Variants in MAP2K6 observed in about 807,000 individuals in gnomAD.
The protein encoded by MAP2K6 is mitogen-activated protein kinase kinase 6, also known as dual specificity mitogen-activated protein kinase kinase 6.
A neutral mutation model predicts 53.7 loss-of-function variants in MAP2K6; 16 were observed. The ratio of observed to expected loss-of-function variants is 0.30; its 90% CI spans 0.20 to 0.45. The LOEUF (loss-of-function observed/expected upper bound fraction) is 0.45, where lower values mean the gene tolerates loss of function less well. Ranked by LOEUF, MAP2K6 falls within the 20% of genes least tolerant of loss-of-function variation. The pLI is 1.00. For synonymous variants in MAP2K6, 132 were observed against 143.1 expected (o/e 0.92, Z 0.55); for missense variants, 204 against 411.9 (o/e 0.50, Z 4.37).
rs111474447 is a variant in MAP2K6 at position 69,515,990 on chromosome 17, A to G, written c.84-865A>G. On this transcript the variant is annotated intron_variant, in intron 2 of 11. Transcript: ENST00000590474. ...GAAAAAGCTTGAGACTTACTGCTGT[A>G]GCACAATGACCTATATCAGCGGTCC... Among the ~76,000 whole-genome samples the G allele has an allele frequency of 6.7e-3, 1,015 of 152,340 alleles. 22 individuals are homozygous for G. The highest frequency in any genetic ancestry group is 0.024 in the African/African-American group (987 of 41,582).
At chr17:69,515,752 A>G (rs187110155) in intron 2 of MAP2K6, among the ~76,000 whole-genome samples, 5 of 152,314 alleles carry the variant, frequency 3.3e-5, no homozygotes, top group Admixed American at 1.3e-4. Flanking sequence ...GCAGAACTGG[A>G]TATCAGGAGA....
At chr17:69,468,848 C>CAACAA (rs1254456382) in intron 1 of MAP2K6, among the ~76,000 whole-genome samples, 2 of 152,250 alleles carry the variant, frequency 1.3e-5, no homozygotes, top group South Asian at 2.1e-4. Context: ...ACAACAAAAA[C>CAACAA]AACAAAAGGC....
At chr17:69,457,749 G>A (rs1907463529) in intron 1 of MAP2K6, among the ~76,000 whole-genome samples, 1 of 152,158 alleles carries the variant, frequency 6.6e-6, no homozygotes, top group African/African-American at 2.4e-5. Context: ...AGGCTGTGGT[G>A]AGCTATGATC....
intron 1 of MAP2K6, among the ~76,000 whole-genome samples, chr17:69,492,138 A>G (rs1302293552): frequency 6.6e-6 from 1 of 152,152 alleles, no homozygotes; most frequent in Non-Finnish European, 1.5e-5. Context: ...TTAGCTGTGC[A>G]GATGCTCTTT....
At chr17:69,499,970 G>C (rs906900954) in intron 1 of MAP2K6, among the ~76,000 whole-genome samples, 1 of 152,140 alleles carries the variant, frequency 6.6e-6, no homozygotes, top group Non-Finnish European at 1.5e-5. Context: ...TCCTTAGATT[G>C]TGTTCAGGAA....
At chr17:69,426,958 C>T (rs962111142) in intron 1 of MAP2K6, among the ~76,000 whole-genome samples, 1 of 152,054 alleles carries the variant, frequency 6.6e-6, no homozygotes, top group Non-Finnish European at 1.5e-5. Context: ...ATATCTCATA[C>T]TTTTAGGTGT....
intron 1 of MAP2K6, among the ~76,000 whole-genome samples, chr17:69,496,612 G>A (rs754978399): frequency 6.6e-5 from 10 of 151,982 alleles, no homozygotes; most frequent in East Asian, 1.9e-4. Context: ...AAAGTGATCC[G>A]CCCACCTTGG....
chr17:69,533,743 T>G (rs1312083206), intron 10 of MAP2K6, among the ~76,000 whole-genome samples: 1 of 151,972 alleles, frequency 6.6e-6, no homozygotes, highest in Non-Finnish European at 1.5e-5. Flanking sequence ...TTGTTTTTTT[T>G]TTTTTTTTTT....
At chr17:69,454,698 T>C (rs1907342909) in intron 1 of MAP2K6, among the ~76,000 whole-genome samples, 1 of 152,172 alleles carries the variant, frequency 6.6e-6, no homozygotes, top group South Asian at 2.1e-4. Flanking sequence ...GCCTAACTGA[T>C]GATATTTCTT....
chr17:69,438,660 C>T (rs777045159), intron 1 of MAP2K6, among the ~76,000 whole-genome samples: 1 of 152,136 alleles, frequency 6.6e-6, no homozygotes, highest in Non-Finnish European at 1.5e-5. Flanking sequence ...CATCTTGGCT[C>T]ACTTGGCCTC....
At chr17:69,480,930 A>C (rs1548442) in intron 1 of MAP2K6, among the ~76,000 whole-genome samples, 78,098 of 151,482 alleles carry the variant, frequency 0.52, 21,373 homozygotes, top group African/African-American at 0.71. Flanking sequence ...CTTAGTTTAG[A>C]TGAAATGTGA....
At chr17:69,520,165 A>C in intron 5 of MAP2K6, 105 bp from the exon 6 acceptor site, 4 of 648,010 alleles carry the variant, frequency 6.2e-6, no homozygotes, top group Non-Finnish European at 1.1e-5. Context: ...AAATTCAAGA[A>C]AGAAATAGTT....
At chr17:69,500,833 C>T (rs936391335) in intron 1 of MAP2K6, among the ~76,000 whole-genome samples, 5 of 151,814 alleles carry the variant, frequency 3.3e-5, no homozygotes, top group African/African-American at 1.2e-4. Flanking sequence ...GATTTGTCTT[C>T]AGTGTTTGGA....
Position 69,526,507 on chromosome 17 carries a change from G to A in MAP2K6, c.742-63G>A, listed in dbSNP as rs191998543. ...CCTGCTGTCTATCCACAAATGAAAC[G>A]TGGGTGATTCCCTAAAGCAGCCCTG... On this transcript the variant is annotated intron_variant, in intron 9 of 11. Coordinates refer to ENST00000590474, the MANE Select transcript of MAP2K6 (RefSeq NM_002758.4). The A allele has an allele frequency of 7.4e-5, 116 of 1,565,132 alleles. 1 individual carries two copies. Among genetic ancestry groups the A allele is most frequent in the Admixed American group, 6.7e-4 (38 of 56,514 alleles).
intron 8 of MAP2K6, 24 bp from the exon 9 acceptor site, chr17:69,524,877 C>A: frequency 6.3e-7 from 1 of 1,578,562 alleles, no homozygotes; most frequent in South Asian, 1.1e-5. Context: ...TTCCCAGTTT[C>A]TCAGTTGTCT....
chr17:69,449,541 C>CTTT (rs1352223318), intron 1 of MAP2K6, among the ~76,000 whole-genome samples: 5 of 99,472 alleles, frequency 5.0e-5, no homozygotes, highest in African/African-American at 2.3e-4. Context: ...GTCTTTCTTT[C>CTTT]TTTCTTTCTT....
At chr17:69,459,120 T>C (rs1377239452) in intron 1 of MAP2K6, among the ~76,000 whole-genome samples, 1 of 152,212 alleles carries the variant, frequency 6.6e-6, no homozygotes, top group Non-Finnish European at 1.5e-5. Flanking sequence ...TCACTGAAAG[T>C]TTTTATACTT....
chr17:69,502,729 G>GT, intron 1 of MAP2K6: 1 of 983,998 alleles, frequency 1.0e-6, no homozygotes, highest in Non-Finnish European at 1.2e-6. Context: ...GTGGCTGGGT[G>GT]TAACAGTGAT....
intron 1 of MAP2K6, among the ~76,000 whole-genome samples, chr17:69,464,918 G>A (rs139097663): frequency 1.3e-3 from 198 of 152,030 alleles, no homozygotes; most frequent in African/African-American, 4.6e-3. Context: ...GTTTCACCAT[G>A]TTGGTCTGGT....
Sources: allele counts gnomAD v4.1 joint callset (sites outside exome capture counted in the v4.1 genomes callset), GRCh38; gene constraint gnomAD v4.1.1; transcripts MANE v1.5; gene names NCBI Gene and HGNC (gene_info 2026-07-23, HGNC 2026-07-21).